The following CACNA1A variants were observed in gnomAD, a reference collection of about 807,000 sequenced individuals.
CACNA1A encodes the protein calcium voltage-gated channel subunit alpha1 A, also known as voltage-dependent P/Q-type calcium channel subunit alpha-1A.
In CACNA1A, 57 loss-of-function variants were observed where a neutral mutation model predicts 262.4. That is an observed-to-expected ratio of 0.22 (90% confidence interval 0.18 to 0.27). The LOEUF (loss-of-function observed/expected upper bound fraction) is 0.27, where lower values mean the gene tolerates loss of function less well. CACNA1A is among the 10% of genes least tolerant of loss of function. CACNA1A has a pLI of 1.00. For missense variants in CACNA1A, 2,526 were observed against 3,562.8 expected (o/e 0.71, Z 7.41); for synonymous variants, 1,431 against 1,419.3 (o/e 1.01, Z -0.18).
chr19:13,387,608 C>G lies in CACNA1A; in HGVS notation c.540-15829G>C, dbSNP rs1294153062. 2.0e-5 allele frequency among the ~76,000 whole-genome samples: 3 copies of G among 152,114 alleles called. No individual in the cohort carries two copies. In the East Asian group the frequency reaches 5.8e-4, roughly 29 times the overall value. ...ACTAGCCTGAGCATGGGAAGGAGGT[C>G]AATTCTCTGCTGGTTGGAAGTCAGG... On this transcript the variant is annotated intron_variant, in intron 3 of 46. Transcript: ENST00000360228.
At chr19:13,263,524 CTT>C (rs376610260) in intron 24 of CACNA1A, 7 of 143,460 alleles carry the variant, frequency 4.9e-5, no homozygotes, top group East Asian at 4.1e-4. Context: ...CCTATGTATT[CTT>C]TTTTTTTTTT....
intron 25 of CACNA1A, 32 bp from the exon 26 acceptor site, chr19:13,261,642 G>C: frequency 6.3e-7 from 1 of 1,596,264 alleles, no homozygotes; most frequent in Non-Finnish European, 8.5e-7. Flanking sequence ...GAGCATGAGG[G>C]GCTGGGGACC....
chr19:13,255,708 C>G (rs987616519), intron 28 of CACNA1A, among the ~76,000 whole-genome samples: 1 of 111,278 alleles, frequency 9.0e-6, no homozygotes, highest in African/African-American at 3.4e-5. Flanking sequence ...TCCTTCCTTC[C>G]CTCCCTCCCT....
At chr19:13,303,479 C>CCCCCCCCCCCT in intron 17 of CACNA1A, 67 bp downstream of exon 17, 1 of 423,176 alleles carries the variant, frequency 2.4e-6, no homozygotes, top group Non-Finnish European at 4.5e-6. Flanking sequence ...CCCACCCCCA[C>CCCCCCCCCCCT]CCCCGTCCTG....
chr19:13,219,052 T>C (rs1399689853), intron 38 of CACNA1A, among the ~76,000 whole-genome samples: 4 of 126,444 alleles, frequency 3.2e-5, no homozygotes, highest in East Asian at 2.5e-4. Context: ...ATTTTTTTTT[T>C]TTTTTTTTTT....
chr19:13,503,132 G>A (rs551325706), intron 1 of CACNA1A, among the ~76,000 whole-genome samples: 54 of 152,276 alleles, frequency 3.5e-4, no homozygotes, highest in African/African-American at 1.3e-3. Flanking sequence ...CCCATCAACA[G>A]TAGAATGGAT....
intron 18 of CACNA1A, 96 bp downstream of exon 18, chr19:13,300,454 T>C: frequency 1.2e-6 from 1 of 814,708 alleles, no homozygotes; most frequent in Non-Finnish European, 2.1e-6. Flanking sequence ...AGCTCAGTTC[T>C]GTCAAGGACC....
At chr19:13,346,372 C>T (rs577309411) in intron 6 of CACNA1A, among the ~76,000 whole-genome samples, 1 of 151,684 alleles carries the variant, frequency 6.6e-6, no homozygotes, top group Admixed American at 6.6e-5. Context: ...CCTGAGATAT[C>T]TCCATGGCTC....
intron 1 of CACNA1A, among the ~76,000 whole-genome samples, chr19:13,499,451 G>T (rs1044444609): frequency 1.8e-5 from 2 of 113,924 alleles, no homozygotes; most frequent in Admixed American, 1.2e-4. Flanking sequence ...AGGGGGTGGT[G>T]GGGGGGGGCA....
At chr19:13,338,284 C>T (rs566194479) in intron 6 of CACNA1A, among the ~76,000 whole-genome samples, 5 of 151,742 alleles carry the variant, frequency 3.3e-5, no homozygotes, top group South Asian at 2.1e-4. Flanking sequence ...GTTATGTATT[C>T]GGTCCATTAT....
intron 22 of CACNA1A, among the ~76,000 whole-genome samples, chr19:13,279,631 C>T (rs1158429708): frequency 9.9e-5 from 15 of 151,984 alleles, no homozygotes; most frequent in Admixed American, 9.8e-4. Flanking sequence ...ATTACAGGCG[C>T]ATGCTACCAC....
intron 15 of CACNA1A, among the ~76,000 whole-genome samples, chr19:13,305,890 T>A (rs2057891808): frequency 1.3e-5 from 2 of 152,088 alleles, no homozygotes; most frequent in South Asian, 4.2e-4. Context: ...TGAAACCCTG[T>A]CTCTACTAAA....
At chr19:13,427,383 C>G in intron 3 of CACNA1A, among the ~76,000 whole-genome samples, 1 of 151,692 alleles carries the variant, frequency 6.6e-6, no homozygotes, top group East Asian at 1.9e-4. Context: ...ACCCAGGAGG[C>G]GGAGGTTGCA....
rs146227950 is a variant in CACNA1A, at chr19:13,406,727, T to C, written c.540-34948A>G. ...ACTAGGGCAGGAGGAGTCCTTCACA[T>C]ATACCTGTATTCTGGGCCATCACCC... On this transcript the variant is annotated intron_variant, in intron 3 of 46. Transcript: ENST00000360228. Among the ~76,000 whole-genome samples, 778 of 151,210 alleles carry C rather than the reference T, an allele frequency of 5.1e-3. 4 individuals are homozygous for C. The highest frequency in any genetic ancestry group is 8.8e-3 in the Non-Finnish European group (598 of 67,780).
At chr19:13,280,576 C>G (rs183375524) in intron 22 of CACNA1A, among the ~76,000 whole-genome samples, 2 of 152,080 alleles carry the variant, frequency 1.3e-5, no homozygotes, top group Admixed American at 1.3e-4. Context: ...TAGAAACAAC[C>G]CAAACATCTG....
intron 3 of CACNA1A, among the ~76,000 whole-genome samples, chr19:13,407,531 A>G (rs1464725358): frequency 2.6e-5 from 4 of 152,226 alleles, no homozygotes; most frequent in African/African-American, 4.8e-5. Context: ...TAGACACCCT[A>G]TAAGTACTAG....
At chr19:13,235,526 C>A in intron 32 of CACNA1A, 88 bp downstream of exon 32, 1 of 928,538 alleles carries the variant, frequency 1.1e-6, no homozygotes, top group African/African-American at 1.6e-5. Flanking sequence ...ATCACAGAGG[C>A]ACTTCCAATC....
intron 3 of CACNA1A, among the ~76,000 whole-genome samples, chr19:13,375,408 G>C (rs936313061): frequency 6.6e-6 from 1 of 151,976 alleles, no homozygotes; most frequent in Non-Finnish European, 1.5e-5. Flanking sequence ...TGGCCTTTAA[G>C]TGCTCAAGTG....
At chr19:13,304,233 C>T (rs1293520143) in intron 15 of CACNA1A, among the ~76,000 whole-genome samples, 1 of 151,808 alleles carries the variant, frequency 6.6e-6, no homozygotes, top group Non-Finnish European at 1.5e-5. Context: ...GAGTTGAAGC[C>T]CTAACCTATG....
Sources: allele counts gnomAD v4.1 joint callset (sites outside exome capture counted in the v4.1 genomes callset), GRCh38; gene constraint gnomAD v4.1.1; transcripts MANE v1.5; gene names NCBI Gene and HGNC (gene_info 2026-07-23, HGNC 2026-07-21).